ARSG: variants seen among roughly 807,000 people sequenced by gnomAD.
ARSG encodes arylsulfatase G, also known as ASG.
A neutral mutation model predicts 50.5 loss-of-function variants in ARSG; 37 were observed. The ratio of observed to expected loss-of-function variants is 0.73; its 90% CI spans 0.56 to 0.96. ARSG has a LOEUF of 0.96. ARSG is among the 50% of genes least tolerant of loss of function. ARSG has a pLI of 0.00. For missense variants in ARSG, 629 were observed against 675.3 expected (o/e 0.93, Z 0.76); for synonymous variants, 225 against 254.6 (o/e 0.88, Z 1.11).
At chr17:68,293,206 T>C (rs781892998) in intron 1 of ARSG, among the ~76,000 whole-genome samples, 14 of 152,236 alleles carry the variant, frequency 9.2e-5, no homozygotes, top group Non-Finnish European at 1.5e-4. Flanking sequence ...TAATCTTTGA[T>C]ATTTAGGATC....
At chr17:68,383,199 T>A (rs2080522655) in intron 8 of ARSG, among the ~76,000 whole-genome samples, 1 of 152,252 alleles carries the variant, frequency 6.6e-6, no homozygotes, top group South Asian at 2.1e-4. Context: ...GAAGAATCCC[T>A]AATTCTTGAA....
At chr17:68,430,330 T>A in the ARSG span, among the ~76,000 whole-genome samples, 3 of 152,114 alleles carry the variant, frequency 2.0e-5, no homozygotes, top group Admixed American at 6.6e-5. Context: ...ATTCTGGCAA[T>A]AACTAAAGAG....
chr17:68,263,226 C>T (rs1555745618), intron 1 of ARSG, among the ~76,000 whole-genome samples: 1 of 92,528 alleles, frequency 1.1e-5, no homozygotes, highest in African/African-American at 6.6e-5. Flanking sequence ...TGTTCTGCAC[C>T]TTTAGAGAGT....
At position 68,356,711 on chromosome 17, in the gene ARSG, A is replaced by G. The variant is rs1377568975; in HGVS notation, c.611A>G (p.Tyr204Cys). 1 of 1,614,202 alleles carries G rather than the reference A, an allele frequency of 6.2e-7. No individual in the cohort carries two copies. The highest frequency in any genetic ancestry group is 8.5e-7 in the Non-Finnish European group (1 of 1,180,026). Residue 204 changes from tyrosine to cysteine, a missense_variant, in exon 6 of 12, where the codon TAT becomes TGT. By Grantham distance (194) the Tyr-to-Cys change is radical. Coordinates refer to ENST00000621439, the MANE Select transcript of ARSG (RefSeq NM_001267727.2). ...DCYTDVALPLYENLNIVEQPV... is the reference protein window; with the variant it reads ...DCYTDVALPLCENLNIVEQPV... ...TACACTGACGTGGCCCTCCCTCTTT[A>G]TGAAAACCTCAACATTGTGGAGCAG...
At chr17:68,293,231 T>C (rs1555756943) in intron 1 of ARSG, among the ~76,000 whole-genome samples, 1 of 152,206 alleles carries the variant, frequency 6.6e-6, no homozygotes, top group African/African-American at 2.4e-5. Flanking sequence ...ACTTTAATAC[T>C]TAGGACCTGT....
intron 10 of ARSG, 122 bp downstream of exon 10, chr17:68,395,315 C>G (rs1003562102): frequency 3.5e-6 from 5 of 1,438,392 alleles, no homozygotes; most frequent in Non-Finnish European, 4.7e-6. Flanking sequence ...AGGTCGGATA[C>G]AGTGGCTCAC....
intron 6 of ARSG, 69 bp downstream of exon 6, chr17:68,356,873 C>T (rs1034676563): frequency 3.8e-6 from 6 of 1,595,870 alleles, no homozygotes; most frequent in Admixed American, 1.7e-5. Flanking sequence ...ACACCATGTC[C>T]CTTGGCCTCA....
Position 68,420,386 on chromosome 17 carries a change from G to A in ARSG, c.1501G>A (p.Ala501Thr), listed in dbSNP as rs202165247. Residue 501 changes from alanine (A) to threonine (T), a missense_variant, in exon 12 of 12, where the codon GCA (alanine) becomes ACA (threonine). Transcript: ENST00000621439. Reference sequence around the variant, plus strand: ...CATTGCCAACGACAACATCTCCAGCGCAGATTACACTCAGGACCCTTCAGT... The same window carrying A: ...CATTGCCAACGACAACATCTCCAGCACAGATTACACTCAGGACCCTTCAGT... ...QDIANDNISS[A>T]DYTQDPSVTP... 93 of 1,614,060 alleles carry A rather than the reference G, an allele frequency of 5.8e-5. No homozygotes were observed. In the Middle Eastern group the frequency reaches 1.6e-3, roughly 29 times the overall value.
At chr17:68,388,492 C>T (rs72841847) in intron 9 of ARSG, among the ~76,000 whole-genome samples, 15,589 of 152,116 alleles carry the variant, frequency 0.1, 1,574 homozygotes, top group African/African-American at 0.24. Flanking sequence ...TAGCCATATA[C>T]AAGAAGGGGA....
At chr17:68,288,006 T>G (rs75635139), upstream of ARSG, among the ~76,000 whole-genome samples, 4,463 of 147,842 alleles carry the variant, frequency 0.03, 133 homozygotes, top group African/African-American at 0.077. Context: ...TTTTTTTTTT[T>G]GGGGGTTGGG....
chr17:68,426,142 TCTC>T (rs767416077), downstream of ARSG: 74 of 1,609,344 alleles, frequency 4.6e-5, no homozygotes, highest in Middle Eastern at 2.1e-4. Flanking sequence ...AGGAATAACT[TCTC>T]CTCGCAGCGC....
the ARSG span, chr17:68,450,765 T>C: frequency 1.2e-6 from 2 of 1,613,180 alleles, no homozygotes; most frequent in South Asian, 1.1e-5. Context: ...GTTGCTGGAG[T>C]AGCTGTAATT....
downstream of ARSG, among the ~76,000 whole-genome samples, chr17:68,423,452 T>A (rs1600234607): frequency 1.3e-5 from 2 of 152,096 alleles, no homozygotes; most frequent in South Asian, 2.1e-4. The surrounding 1 kb of genome is among the most constrained non-coding windows in gnomAD (Gnocchi z 4.4). Flanking sequence ...GACTGAGAGG[T>A]TGGTGGCTGC....
chr17:68,351,549 G>C, intron 4 of ARSG, 26 bp from the exon 5 acceptor site: 2 of 1,362,574 alleles, frequency 1.5e-6, no homozygotes, highest in East Asian at 2.3e-5. Context: ...CCACGTGGGG[G>C]TGCTAACCGG....
intron 2 of ARSG, among the ~76,000 whole-genome samples, chr17:68,341,280 G>T (rs146922569): frequency 2.8e-4 from 43 of 152,218 alleles, no homozygotes; most frequent in South Asian, 1.0e-3. Context: ...TATAGGGTCT[G>T]CTTGTTTTCC....
rs139873921 is a variant in ARSG, at chr17:68,308,308, C to T, written c.218+597C>T. On this transcript the variant is annotated intron_variant, in intron 2 of 11. Coordinates refer to ENST00000621439, the MANE Select transcript of ARSG (RefSeq NM_001267727.2). ...GAGTGTTACAGCTCTTAAGGTGGCACGTCTGGAGTTTGTTCCTTCTGATGT... is the reference window on the plus strand; with the variant it reads ...GAGTGTTACAGCTCTTAAGGTGGCATGTCTGGAGTTTGTTCCTTCTGATGT... 3.9e-3 allele frequency among the ~76,000 whole-genome samples: 591 copies of T among 152,218 alleles called. 1 individual carries two copies. The highest frequency in any genetic ancestry group is 6.4e-3 in the Non-Finnish European group (433 of 68,024).
intron 11 of ARSG, among the ~76,000 whole-genome samples, chr17:68,412,659 T>C (rs1010173880): frequency 0.024 from 3,655 of 152,164 alleles, 146 homozygotes; most frequent in African/African-American, 0.083. Flanking sequence ...TGAATCTGAA[T>C]GTTGGCCTGC....
At chr17:68,385,277 T>C in intron 9 of ARSG, 105 bp downstream of exon 9, 1 of 947,070 alleles carries the variant, frequency 1.1e-6, no homozygotes, top group South Asian at 1.4e-5. Flanking sequence ...GAGGCATGGG[T>C]GGCTAGAGGC....
In ARSG at chr17:68,390,927, C is replaced by CTT. The variant is rs34688174; in HGVS notation, c.1092-4133_1092-4132dup. On this transcript the variant is annotated intron_variant, in intron 9 of 11. Coordinates refer to ENST00000621439, the MANE Select transcript of ARSG (RefSeq NM_001267727.2). ...CAACTGTGAGCCACTGTGCCCGGTC[C>CTT]TTTTTTTTTTTTTTAATGAAGGAAG... is the stretch of plus-strand genomic sequence containing the variant. Among the ~76,000 whole-genome samples the CTT allele has an allele frequency of 6.3e-3, 892 of 141,228 alleles. 14 individuals carry two copies. Among genetic ancestry groups the CTT allele is most frequent in the African/African-American group, 0.018 (679 of 37,622 alleles). 92.7% of individuals were successfully genotyped at this position (141,228 alleles called of 152,430 possible). A position where few individuals can be genotyped will look rare whatever the true frequency, so the allele number is the denominator to read the frequency against.
Sources: gnomAD v4.1 joint callset for allele counts (sites outside exome capture counted in the v4.1 genomes callset) on GRCh38, gnomAD v4.1.1 for gene constraint, Gnocchi (gnomAD v3.1) non-coding constraint, MANE v1.5 for transcripts, NCBI Gene and HGNC (gene_info 2026-07-23, HGNC 2026-07-21) for gene names.